Variants in CDHR2 observed in about 807,000 individuals in gnomAD.
CDHR2 encodes cadherin-related family member 2.
CDHR2 carries 104 observed loss-of-function variants against 138.6 expected under a neutral mutation model. That is an observed-to-expected ratio of 0.75 (90% CI 0.64 to 0.88). The LOEUF is 0.88. CDHR2 is among the 40% of genes least tolerant of loss of function. CDHR2 has a pLI of 0.00. For missense variants in CDHR2, 1,624 were observed against 1,727.6 expected, an observed-to-expected ratio of 0.94 and a Z score of 1.06; for synonymous variants, 755 against 742.8, an observed-to-expected ratio of 1.02 and a Z score of -0.27.
intron 18 of CDHR2, 44 bp from the exon 19 acceptor site, chr5:176,584,366 T>C (rs1273162920): frequency 1.2e-6 from 2 of 1,609,124 alleles, no homozygotes; most frequent in Admixed American, 1.7e-5. Context: ...AGGCTTCCGA[T>C]GGCGGGGTCA....
chr5:176,593,993 A>G (rs1452692278), intron 31 of CDHR2, among the ~76,000 whole-genome samples: 2 of 152,112 alleles, frequency 1.3e-5, no homozygotes, highest in African/African-American at 4.8e-5. Flanking sequence ...TGGGGAACTG[A>G]GGCGAAGGAA....
rs114481367 is a variant in CDHR2, at chr5:176,578,516, C to A, written c.1726C>A (p.Leu576Met). 7 of 1,614,190 alleles carry A rather than the reference C, an allele frequency of 4.3e-6. No homozygotes were observed. In the Admixed American group the frequency reaches 1.2e-4, roughly 27 times the overall value. Residue 576 changes from leucine to methionine, a missense_variant, in exon 16 of 32, where the codon CTG becomes ATG. Physicochemically the swap from Leu to Met is conservative, Grantham distance 15. Around this residue, in one of 3 missense-constraint regions of CDHR2, gnomAD observed 1,061 missense variants for 1,136.6 expected, o/e 0.93. Transcript: ENST00000261944. ...CTCCTCCACCACACTGCAGATCCAC[C>A]TGCTGGACATCAACGACAATGCACC... ...LSSSTTLQIH[L>M]LDINDNAPVV...
rs999591805 is a variant in CDHR2 at position 176,576,396 on chromosome 5, A to G, written c.1194+211A>G. 1.3e-5 allele frequency among the ~76,000 whole-genome samples: 2 copies of G among 152,096 alleles called. No homozygotes were observed. Among genetic ancestry groups the G allele is most frequent in the East Asian group, 1.9e-4 (1 of 5,190 alleles). The stretch of plus-strand genomic sequence containing the variant: ...TCCGTGTGGGGCTGAATAGAAGGCC[A>G]TGCTGAGTGGAGGCTGACGTAGAAC... On this transcript the variant is annotated intron_variant, in intron 12 of 31. Transcript: ENST00000261944. This position sits in a 1 kb window ranked among gnomAD's most constrained non-coding sequence, Gnocchi z 4.5.
intron 1 of CDHR2, among the ~76,000 whole-genome samples, chr5:176,564,077 G>A (rs1383405439): frequency 6.6e-6 from 1 of 152,226 alleles, no homozygotes; most frequent in African/African-American, 2.4e-5. Context: ...GAGTAGCACA[G>A]TGAACATAGA....
Position 176,586,794 on chromosome 5 carries a change from G to C in CDHR2, c.2808G>C (p.Val936=), listed in dbSNP as rs1469551957. The C allele has an allele frequency of 6.2e-7, 1 of 1,607,550 alleles. No individual in the cohort carries two copies. Among genetic ancestry groups the C allele is most frequent in the Non-Finnish European group, 8.5e-7 (1 of 1,177,084 alleles). Residue 936 remains valine (V), a splice_region_variant and synonymous_variant, in exon 21 of 32, where the codon GTG becomes GTC. Coordinates refer to ENST00000261944, the MANE Select transcript of CDHR2 (RefSeq NM_017675.6). ...CCCCGTTCCCGTTCACACCTGCAGT[G>C]ATCATCCCTGAACTCGTGCTGCCCA... is the stretch of plus-strand genomic sequence containing the variant. ...PYFLPENKTF[V]IIPELVLPNR...
intron 20 of CDHR2, 64 bp downstream of exon 20, chr5:176,586,089 G>A (rs1322245237): frequency 1.3e-5 from 17 of 1,329,558 alleles, no homozygotes; most frequent in Admixed American, 5.1e-5. Flanking sequence ...GAGCAACCCC[G>A]ACAGACCCTC....
At chr5:176,587,691 T>C (rs919565960) in intron 21 of CDHR2, among the ~76,000 whole-genome samples, 1 of 152,216 alleles carries the variant, frequency 6.6e-6, no homozygotes, top group African/African-American at 2.4e-5. Flanking sequence ...GAAGGTGGCA[T>C]GTGGGTGCCA....
chr5:176,559,006 G>A (rs572154266), intron 1 of CDHR2, among the ~76,000 whole-genome samples: 4 of 152,328 alleles, frequency 2.6e-5, no homozygotes, highest in Admixed American at 2.6e-4. Flanking sequence ...GGACAGTGGG[G>A]ACTGGCTAGA....
At chr5:176,564,084 T>C (rs1450371872) in intron 1 of CDHR2, among the ~76,000 whole-genome samples, 4 of 152,170 alleles carry the variant, frequency 2.6e-5, no homozygotes, top group Admixed American at 1.3e-4. Context: ...ACAGTGAACA[T>C]AGAGCATACA....
intron 1 of CDHR2, among the ~76,000 whole-genome samples, chr5:176,557,572 T>C (rs932873655): frequency 1.3e-5 from 2 of 150,096 alleles, no homozygotes; most frequent in African/African-American, 2.5e-5. Flanking sequence ...TTTTTTTTTT[T>C]TTTTTTTTTT....
chr5:176,554,634 A>G (rs1249206919), intron 1 of CDHR2, among the ~76,000 whole-genome samples: 2 of 152,096 alleles, frequency 1.3e-5, no homozygotes, highest in African/African-American at 4.8e-5. Flanking sequence ...AATGGTACCA[A>G]TCTAGAAGGG....
In CDHR2 at chr5:176,564,347, G is replaced by A. The variant is rs141608257; in HGVS notation, c.-15-991G>A. 6.5e-3 allele frequency among the ~76,000 whole-genome samples: 992 copies of A among 152,226 alleles called. 8 individuals are homozygous for A. Among genetic ancestry groups the A allele is most frequent in the African/African-American group, 0.023 (953 of 41,528 alleles). On this transcript the variant is annotated intron_variant, in intron 1 of 31. Transcript: ENST00000261944. Reference sequence around the variant, plus strand: ...ATTACAGGCACCCACCACCATGCCCGGCTAACGTTTTTTGTATTTTGTTAG... The same window carrying A: ...ATTACAGGCACCCACCACCATGCCCAGCTAACGTTTTTTGTATTTTGTTAG...
At chr5:176,563,650 C>T (rs1758020267) in intron 1 of CDHR2, among the ~76,000 whole-genome samples, 1 of 152,084 alleles carries the variant, frequency 6.6e-6, no homozygotes, top group East Asian at 1.9e-4. Context: ...TTAACATTAA[C>T]GCTGGTCGGT....
chr5:176,565,212 G>C (rs1758052035), intron 1 of CDHR2, 126 bp from the exon 2 acceptor site: 1 of 699,094 alleles, frequency 1.4e-6, no homozygotes, highest in Non-Finnish European at 2.6e-6. Context: ...GAGGGTGATA[G>C]AGGCCCTGGG....
Position 176,595,610 on chromosome 5 carries a change from G to C in CDHR2, c.3871G>C (p.Ala1291Pro). The C allele has an allele frequency of 6.2e-7, 1 of 1,612,650 alleles. No individual in the cohort carries two copies. Among genetic ancestry groups the C allele is most frequent in the Non-Finnish European group, 8.5e-7 (1 of 1,179,230 alleles). ...GGTCCTGTTAGGACGGCAGGCAGGCGCAAGTGGACAGCTGGAGGGGCCATC... is the reference window on the plus strand; with the variant it reads ...GGTCCTGTTAGGACGGCAGGCAGGCCCAAGTGGACAGCTGGAGGGGCCATC... ...SVVLLGRQAGASGQLEGPSYT... is the reference protein window; with the variant it reads ...SVVLLGRQAGPSGQLEGPSYT... Residue 1291 changes from alanine (A) to proline (P), a missense_variant, in exon 32 of 32, where the codon GCA becomes CCA. Physicochemically the swap from Ala to Pro is conservative, Grantham distance 27. Transcript: ENST00000261944.
chr5:176,552,055 G>A (rs1024641543), intron 1 of CDHR2, among the ~76,000 whole-genome samples: 1 of 152,208 alleles, frequency 6.6e-6, no homozygotes, highest in African/African-American at 2.4e-5. Context: ...AAGAGCCCAG[G>A]GGTACGGTTG....
At chr5:176,563,159 C>T (rs577097831) in intron 1 of CDHR2, among the ~76,000 whole-genome samples, 5 of 152,208 alleles carry the variant, frequency 3.3e-5, no homozygotes, top group African/African-American at 9.6e-5. Context: ...ACCAGCCTGG[C>T]CAACACGGTG....
chr5:176,577,315 A>C, intron 12 of CDHR2, 84 bp from the exon 13 acceptor site: 81 of 1,438,246 alleles, frequency 5.6e-5, no homozygotes, highest in Non-Finnish European at 7.0e-5. Flanking sequence ...CGGGGCATCC[A>C]GAGATAGAAG....
intron 21 of CDHR2, among the ~76,000 whole-genome samples, chr5:176,587,147 TTAAA>T (rs1479177435): frequency 6.6e-6 from 1 of 152,184 alleles, no homozygotes; most frequent in East Asian, 1.9e-4. Context: ...TGCCTTGTCA[TTAAA>T]TAATTCTCAG....
Sources: allele counts gnomAD v4.1 joint callset (sites outside exome capture counted in the v4.1 genomes callset), GRCh38; gene constraint gnomAD v4.1.1; regional missense constraint gnomAD v4.1.1; non-coding constraint Gnocchi (gnomAD v3.1); transcripts MANE v1.5; gene names NCBI Gene and HGNC (gene_info 2026-07-23, HGNC 2026-07-21).